Variants in SLC5A3 observed in about 807,000 individuals in gnomAD.
SLC5A3 encodes the protein solute carrier family 5 member 3.
In SLC5A3, 10 loss-of-function variants were observed where a neutral mutation model predicts 43.2. That is an observed-to-expected ratio of 0.23 (90% CI 0.14 to 0.39). The LOEUF is 0.39. SLC5A3 is among the 10% of genes least tolerant of loss of function. The pLI is 1.00. For missense variants in SLC5A3, 608 were observed against 893.4 expected (o/e 0.68, Z 4.07); for synonymous variants, 349 against 322.0 (o/e 1.08, Z -0.90).
At position 34,099,159 on chromosome 21, in the gene SLC5A3, T is replaced by C. The variant is rs1387413218; in HGVS notation, c.*1804T>C. On this transcript the variant is annotated 3_prime_UTR_variant, in exon 2 of 2. Coordinates refer to ENST00000381151, the MANE Select transcript of SLC5A3 (RefSeq NM_006933.7). The stretch of plus-strand genomic sequence containing the variant: ...AAAAATAATTTATGTATGAATAGCA[T>C]GTATTTCTGAAGAGCTTAGAGTGCC... 4.0e-6 allele frequency: 4 copies of C among 999,202 alleles called. No homozygotes were observed. The highest frequency in any genetic ancestry group is 4.8e-6 in the Non-Finnish European group (4 of 829,406). The allele number at this position is 999,202 out of a possible 1,614,324, so 61.9% of individuals were successfully genotyped here. A position where few individuals can be genotyped will look rare whatever the true frequency, so the allele number is the denominator to read the frequency against.
At chr21:34,076,570 A>T (rs1989336751) in intron 1 of SLC5A3, among the ~76,000 whole-genome samples, 1 of 152,242 alleles carries the variant, frequency 6.6e-6, no homozygotes, top group Admixed American at 6.5e-5. Flanking sequence ...TTAGGAATGT[A>T]GTTAACTAGT....
chr21:34,093,366 G>A (rs949527664), intron 1 of SLC5A3, among the ~76,000 whole-genome samples: 4 of 151,698 alleles, frequency 2.6e-5, no homozygotes, highest in Non-Finnish European at 5.9e-5. Flanking sequence ...AAAAAGGCAC[G>A]CAGATGGGAT....
intron 1 of SLC5A3, among the ~76,000 whole-genome samples, chr21:34,077,773 G>C (rs900067485): frequency 9.2e-5 from 14 of 152,086 alleles, no homozygotes; most frequent in African/African-American, 3.4e-4. Flanking sequence ...GTTCTGACTT[G>C]GTTTAATTTG....
Position 34,095,042 on chromosome 21 carries a change from C to G in SLC5A3, c.-157C>G. 1 of 882,004 alleles carries G rather than the reference C, an allele frequency of 1.1e-6. No homozygotes were observed. The highest frequency in any genetic ancestry group is 1.6e-6 in the Non-Finnish European group (1 of 620,776). 54.6% of individuals were successfully genotyped at this position (882,004 alleles called of 1,614,324 possible). On this transcript the variant is annotated 5_prime_UTR_variant, in exon 2 of 2. It adds an upstream start codon to the 5' untranslated region. Coordinates refer to ENST00000381151, the MANE Select transcript of SLC5A3 (RefSeq NM_006933.7). Reference sequence around the variant, plus strand: ...CAAAGTTTATCACAACCACCACCATCAAGACAGCAAACCAAAGGACAAAGA... The same window carrying G: ...CAAAGTTTATCACAACCACCACCATGAAGACAGCAAACCAAAGGACAAAGA...
At position 34,104,333 on chromosome 21, in the gene SLC5A3, G is replaced by A. The variant is rs189238059; in HGVS notation, c.*6978G>A. On this transcript the variant is annotated 3_prime_UTR_variant, in exon 2 of 2. Coordinates refer to ENST00000381151, the MANE Select transcript of SLC5A3 (RefSeq NM_006933.7). ...TGTTAATGTGTGTGTAGAAGAAAAC[G>A]TATGTTCTTCTACTCAGCATTGCCC... 4 of 997,654 alleles carry A rather than the reference G, an allele frequency of 4.0e-6. No individual in the cohort carries two copies. The highest frequency in any genetic ancestry group is 2.3e-4 in the East Asian group (2 of 8,804). The allele number at this position is 997,654 out of a possible 1,614,324, so 61.8% of individuals were successfully genotyped here. A position where few individuals can be genotyped will look rare whatever the true frequency, so the allele number is the denominator to read the frequency against.
rs776956536 is a variant in SLC5A3, at chr21:34,095,812, T to C, written c.614T>C (p.Met205Thr). 6.2e-7 allele frequency: 1 copy of C among 1,613,910 alleles called. No individual in the cohort carries two copies. The highest frequency in any genetic ancestry group is 8.5e-7 in the Non-Finnish European group (1 of 1,179,864). ...CTTACACTTATGATTATTAGCATAA[T>C]GGAGATTGGCGGGTTTGAGGAAGTT... is the stretch of plus-strand genomic sequence containing the variant. Reference protein sequence around the residue: ...GALTLMIISIMEIGGFEEVKR... With the variant: ...GALTLMIISITEIGGFEEVKR... Residue 205 changes from methionine (M) to threonine (T), a missense_variant, in exon 2 of 2, where the codon ATG becomes ACG. Met to Thr is a moderately conservative substitution (Grantham distance 81). Coordinates refer to ENST00000381151, the MANE Select transcript of SLC5A3 (RefSeq NM_006933.7).
In SLC5A3 at chr21:34,103,136, A is replaced by G. The variant is rs1221151478; in HGVS notation, c.*5781A>G. The G allele has an allele frequency of 4.0e-6, 4 of 999,982 alleles. No homozygotes were observed. The Admixed American group carries it at 1.8e-4, about 46-fold the overall frequency. The allele number at this position is 999,982 out of a possible 1,614,324, so 61.9% of individuals were successfully genotyped here. A position where few individuals can be genotyped will look rare whatever the true frequency, so the allele number is the denominator to read the frequency against. On this transcript the variant is annotated 3_prime_UTR_variant, in exon 2 of 2. Transcript: ENST00000381151. ...GCTTATTGCTATTGCAGAAATCCCA[A>G]ACTGGCAAAGGCCAGTATATATGGT...
Position 34,102,954 on chromosome 21 carries a change from C to T in SLC5A3, c.*5599C>T. On this transcript the variant is annotated 3_prime_UTR_variant, in exon 2 of 2. Transcript: ENST00000381151. ...TTATCTTGGTAAATTCACCCTGTTT[C>T]CTAGTGCTGCTGGATAAAAGAGTGT... 1 of 999,856 alleles carries T rather than the reference C, an allele frequency of 1.0e-6. No individual in the cohort carries two copies. The highest frequency in any genetic ancestry group is 1.2e-6 in the Non-Finnish European group (1 of 829,906). The allele number at this position is 999,856 out of a possible 1,614,324, so 61.9% of individuals were successfully genotyped here.
chr21:34,084,305 T>C (rs2148654621), intron 1 of SLC5A3, among the ~76,000 whole-genome samples: 1 of 152,322 alleles, frequency 6.6e-6, no homozygotes, highest in South Asian at 2.1e-4. Flanking sequence ...TTTTCTGCCT[T>C]AGTCACATGG....
intron 1 of SLC5A3, among the ~76,000 whole-genome samples, chr21:34,075,611 C>T (rs1013915680): frequency 6.6e-6 from 1 of 152,014 alleles, no homozygotes. Context: ...GAAAGAGGCC[C>T]CATGGCAGTA....
chr21:34,073,730 GA>G lies in SLC5A3; in HGVS notation c.-349del. 1.3e-6 allele frequency: 2 copies of G among 1,528,790 alleles called. No homozygotes were observed. Among genetic ancestry groups the G allele is most frequent in the African/African-American group, 1.4e-5 (1 of 69,346 alleles). 94.7% of individuals were successfully genotyped at this position (1,528,790 alleles called of 1,614,324 possible). ...CCCGCTACGAGCTGGCTTTAATCCT[GA>G]AAGCCATGCAGCGGGTAAGTGACCT... On this transcript the variant is annotated 5_prime_UTR_variant, in exon 1 of 2. The change abolishes the stop of an existing upstream ORF in the 5' untranslated region. Coordinates refer to ENST00000381151, the MANE Select transcript of SLC5A3 (RefSeq NM_006933.7).
intron 1 of SLC5A3, among the ~76,000 whole-genome samples, chr21:34,080,693 A>G (rs1290075801): frequency 6.6e-6 from 1 of 152,200 alleles, no homozygotes; most frequent in African/African-American, 2.4e-5. Flanking sequence ...ATTGGTGAAT[A>G]TGTTTTACCT....
At chr21:34,077,195 A>G (rs377574413) in intron 1 of SLC5A3, among the ~76,000 whole-genome samples, 1 of 152,360 alleles carries the variant, frequency 6.6e-6, no homozygotes, top group East Asian at 1.9e-4. Flanking sequence ...TTGGTATTTC[A>G]GTTAGGTAAA....
rs904692720 is a variant in SLC5A3, at chr21:34,099,040, C to G, written c.*1685C>G. On this transcript the variant is annotated 3_prime_UTR_variant, in exon 2 of 2. Coordinates refer to ENST00000381151, the MANE Select transcript of SLC5A3 (RefSeq NM_006933.7). ...TATAAACTAGTTTCATTATGATGGA[C>G]TTGATTAGTCCAAAGTTAATTTTAG... The G allele has an allele frequency of 3.9e-5, 39 of 994,902 alleles. 1 individual carries two copies. Among genetic ancestry groups the G allele is most frequent in the Non-Finnish European group, 4.6e-5 (38 of 825,196 alleles). The allele number at this position is 994,902 out of a possible 1,614,324, so 61.6% of individuals were successfully genotyped here.
intron 1 of SLC5A3, among the ~76,000 whole-genome samples, chr21:34,084,546 A>T (rs948445062): frequency 5.3e-5 from 8 of 152,154 alleles, no homozygotes; most frequent in African/African-American, 1.7e-4. Flanking sequence ...AGGTGTGTAT[A>T]TGTATTTAGG....
At chr21:34,077,784 A>G (rs998468144) in intron 1 of SLC5A3, among the ~76,000 whole-genome samples, 1 of 152,196 alleles carries the variant, frequency 6.6e-6, no homozygotes, top group Admixed American at 6.5e-5. Flanking sequence ...GTTTAATTTG[A>G]ATATAGAAAA....
Position 34,098,357 on chromosome 21 carries a change from G to T in SLC5A3, c.*1002G>T. 1 of 1,000,258 alleles carries T rather than the reference G, an allele frequency of 1.0e-6. No homozygotes were observed. The allele number at this position is 1,000,258 out of a possible 1,614,324, so 62.0% of individuals were successfully genotyped here. On this transcript the variant is annotated 3_prime_UTR_variant, in exon 2 of 2. Transcript: ENST00000381151. ...GAAGAAAAATTGACGCTGCCTTTGT[G>T]TGCTGGATTGCTCTACTTGATTAGA...
intron 1 of SLC5A3, among the ~76,000 whole-genome samples, chr21:34,084,606 C>G (rs1989530648): frequency 6.6e-6 from 1 of 152,128 alleles, no homozygotes; most frequent in African/African-American, 2.4e-5. Flanking sequence ...GTACAATTCT[C>G]TTGAATCCTC....
chr21:34,073,795 G>A (rs774107007), intron 1 of SLC5A3, 50 bp downstream of exon 1: 18 of 1,366,432 alleles, frequency 1.3e-5, no homozygotes, highest in Non-Finnish European at 1.5e-5. Flanking sequence ...CGCCCCCGCT[G>A]CCGCTAGGCC....
Sources: gnomAD v4.1 joint callset for allele counts (sites outside exome capture counted in the v4.1 genomes callset) on GRCh38, gnomAD v4.1.1 for gene constraint, MANE v1.5 for transcripts, NCBI Gene and HGNC (gene_info 2026-07-23, HGNC 2026-07-21) for gene names.